The following MIGA2 variants were observed in gnomAD, a reference collection of about 807,000 sequenced individuals.
MIGA2 encodes mitoguardin 2.
A neutral mutation model predicts 69.9 loss-of-function variants in MIGA2; 36 were observed. The observed-to-expected ratio is 0.52, with a 90% CI of 0.39 to 0.68. MIGA2 has a LOEUF of 0.68. Ranked by LOEUF, MIGA2 falls within the 30% of genes least tolerant of loss-of-function variation. The pLI, the probability that MIGA2 is intolerant of heterozygous loss-of-function variation, is 0.00. For missense variants in MIGA2, 660 were observed against 787.7 expected (o/e 0.84, Z 1.94); for synonymous variants, 333 against 349.2 (o/e 0.95, Z 0.52).
intron 6 of MIGA2, among the ~76,000 whole-genome samples, chr9:129,052,105 C>T (rs1225631239): frequency 2.6e-5 from 4 of 151,820 alleles, no homozygotes; most frequent in Non-Finnish European, 5.9e-5. Flanking sequence ...GGATTATAGG[C>T]GTGAGCCACC....
chr9:129,068,468 G>A lies in MIGA2; in HGVS notation c.1404+136G>A. The A allele has an allele frequency of 1.6e-6, 2 of 1,259,684 alleles. No individual in the cohort carries two copies. Among genetic ancestry groups the A allele is most frequent in the South Asian group, 1.4e-5 (1 of 72,640 alleles). 78.0% of individuals were successfully genotyped at this position (1,259,684 alleles called of 1,614,324 possible). ...CCTAGATCCGCGGCTGCCAGGCCTGGGAGACCAGAGTCTGCCCTGGAGAAG... is the reference window on the plus strand; with the variant it reads ...CCTAGATCCGCGGCTGCCAGGCCTGAGAGACCAGAGTCTGCCCTGGAGAAG... On this transcript the variant is annotated intron_variant, in intron 13 of 15. Transcript: ENST00000684074. The surrounding 1 kb of genome is among the most constrained non-coding windows in gnomAD (Gnocchi z 4.1).
chr9:129,043,916 G>C (rs943234615), intron 3 of MIGA2, among the ~76,000 whole-genome samples: 1 of 151,726 alleles, frequency 6.6e-6, no homozygotes, highest in African/African-American at 2.4e-5. Flanking sequence ...TAGCCAGGAT[G>C]GCCTTGATCT....
Position 129,049,364 on chromosome 9 carries a change from C to T in MIGA2, c.421-17C>T. On this transcript the variant is annotated splice_polypyrimidine_tract_variant and intron_variant, in intron 4 of 15. Coordinates refer to ENST00000684074, the MANE Select transcript of MIGA2 (RefSeq NM_001329990.2). Reference sequence around the variant, plus strand: ...GGGAAAGCTTCACTCTTTCTTCTTGCACTGATTGGCGCCCAGATGATGGCA... The same window carrying T: ...GGGAAAGCTTCACTCTTTCTTCTTGTACTGATTGGCGCCCAGATGATGGCA... 6.2e-7 allele frequency: 1 copy of T among 1,611,460 alleles called. No individual in the cohort carries two copies. Among genetic ancestry groups the T allele is most frequent in the African/African-American group, 1.3e-5 (1 of 75,014 alleles).
chr9:129,062,375 T>C (rs1846109397), intron 9 of MIGA2, among the ~76,000 whole-genome samples: 1 of 148,308 alleles, frequency 6.7e-6, no homozygotes, highest in African/African-American at 2.5e-5. Flanking sequence ...CTACTAAAAA[T>C]ATAAAAATTA....
intron 3 of MIGA2, among the ~76,000 whole-genome samples, chr9:129,044,627 A>G (rs1401620055): frequency 6.6e-6 from 1 of 151,842 alleles, no homozygotes; most frequent in African/African-American, 2.4e-5. Flanking sequence ...GTCTCGGCTC[A>G]CTGCAACCTC....
In MIGA2 at chr9:129,061,199, TC is replaced by T; in HGVS notation, c.895-29del. 6.3e-7 allele frequency: 1 copy of T among 1,581,960 alleles called. No individual in the cohort carries two copies. The highest frequency in any genetic ancestry group is 8.6e-7 in the Non-Finnish European group (1 of 1,159,184). ...CCGTGGCGTGCTGCTCACATGGGCTTCCCTGGTCTCTTCCTCTGCACCCTCT... is the reference window on the plus strand; with the variant it reads ...CCGTGGCGTGCTGCTCACATGGGCTTCCTGGTCTCTTCCTCTGCACCCTCT... On this transcript the variant is annotated intron_variant, in intron 8 of 15. Transcript: ENST00000684074. The surrounding 1 kb of genome is among the most constrained non-coding windows in gnomAD (Gnocchi z 5.0).
Position 129,058,126 on chromosome 9 carries a change from G to A in MIGA2, c.676-1028G>A, listed in dbSNP as rs145892535. Among the ~76,000 whole-genome samples, 248 of 152,068 alleles carry A rather than the reference G, an allele frequency of 1.6e-3. 2 individuals are homozygous for A. Among genetic ancestry groups the A allele is most frequent in the Middle Eastern group, 0.014 (4 of 294 alleles). ...AAAAGTTATATGTGGGCTGGGCACGGTGGCTCACACCTCTAATCCTAGCAC... is the reference window on the plus strand; with the variant it reads ...AAAAGTTATATGTGGGCTGGGCACGATGGCTCACACCTCTAATCCTAGCAC... On this transcript the variant is annotated intron_variant, in intron 6 of 15. Coordinates refer to ENST00000684074, the MANE Select transcript of MIGA2 (RefSeq NM_001329990.2).
At chr9:129,064,627 G>A (rs1221024115) in intron 11 of MIGA2, among the ~76,000 whole-genome samples, 1 of 151,778 alleles carries the variant, frequency 6.6e-6, no homozygotes, top group Non-Finnish European at 1.5e-5. Flanking sequence ...TGCGCCTGCT[G>A]CCCTTGGGGT....
chr9:129,068,021 C>A lies in MIGA2; in HGVS notation c.1269+150C>A. The A allele has an allele frequency of 7.9e-7, 1 of 1,271,036 alleles. No individual in the cohort carries two copies. Among genetic ancestry groups the A allele is most frequent in the Non-Finnish European group, 1.1e-6 (1 of 896,962 alleles). The allele number at this position is 1,271,036 out of a possible 1,614,324, so 78.7% of individuals were successfully genotyped here. A position where few individuals can be genotyped will look rare whatever the true frequency, so the allele number is the denominator to read the frequency against. On this transcript the variant is annotated intron_variant, in intron 12 of 15. Coordinates refer to ENST00000684074, the MANE Select transcript of MIGA2 (RefSeq NM_001329990.2). The surrounding 1 kb of genome is among the most constrained non-coding windows in gnomAD (Gnocchi z 4.1). ...CCCCGGTTCCTGCCCTGCCCCAGGC[C>A]AAGGCAGAGGGAGGAATGGCCTCAG...
At position 129,068,783 on chromosome 9, in the gene MIGA2, A is replaced by C; in HGVS notation, c.1405-293A>C. 1 of 483,346 alleles carries C rather than the reference A, an allele frequency of 2.1e-6. No homozygotes were observed. Among genetic ancestry groups the C allele is most frequent in the Non-Finnish European group, 3.8e-6 (1 of 265,606 alleles). 29.9% of individuals were successfully genotyped at this position (483,346 alleles called of 1,614,324 possible). A position where few individuals can be genotyped will look rare whatever the true frequency, so the allele number is the denominator to read the frequency against. ...GCGAGGTGGTTTACAGGCGGGAACC[A>C]TTGCTCCCACAACCACCAAAGGAGG... On this transcript the variant is annotated intron_variant, in intron 13 of 15. Coordinates refer to ENST00000684074, the MANE Select transcript of MIGA2 (RefSeq NM_001329990.2). The surrounding 1 kb of genome is among the most constrained non-coding windows in gnomAD (Gnocchi z 4.1).
chr9:129,069,263 G>T lies in MIGA2; in HGVS notation c.1458+134G>T, dbSNP rs28365558. On this transcript the variant is annotated intron_variant, in intron 14 of 15. Coordinates refer to ENST00000684074, the MANE Select transcript of MIGA2 (RefSeq NM_001329990.2). The surrounding 1 kb of genome is among the most constrained non-coding windows in gnomAD (Gnocchi z 4.9). ...ACAGTCCTGGCCCCCTTGTTCCGCC[G>T]TTACCTCTCCCTGTGCCAGGAGCTC... The T allele has an allele frequency of 2.7e-6, 3 of 1,121,802 alleles. No homozygotes were observed. Among genetic ancestry groups the T allele is most frequent in the Non-Finnish European group, 4.0e-6 (3 of 755,612 alleles). The allele number at this position is 1,121,802 out of a possible 1,614,324, so 69.5% of individuals were successfully genotyped here.
intron 1 of MIGA2, among the ~76,000 whole-genome samples, chr9:129,039,421 A>G (rs543886625): frequency 7.3e-5 from 11 of 151,238 alleles, no homozygotes; most frequent in African/African-American, 2.7e-4. Flanking sequence ...AATTTTTTGT[A>G]TTTTTAGTAG....
chr9:129,069,345 C>T lies in MIGA2; in HGVS notation c.1458+216C>T. ...CTCCCCAGGCCCAGCACAGAGCAGGCCACTGGGGAGGGGAACGGATACCCT... is the reference window on the plus strand; with the variant it reads ...CTCCCCAGGCCCAGCACAGAGCAGGTCACTGGGGAGGGGAACGGATACCCT... On this transcript the variant is annotated intron_variant, in intron 14 of 15. Coordinates refer to ENST00000684074, the MANE Select transcript of MIGA2 (RefSeq NM_001329990.2). This position sits in a 1 kb window ranked among gnomAD's most constrained non-coding sequence, Gnocchi z 4.9. The T allele has an allele frequency of 1.6e-6, 1 of 614,410 alleles. No individual in the cohort carries two copies. Among genetic ancestry groups the T allele is most frequent in the Non-Finnish European group, 2.9e-6 (1 of 347,880 alleles). 38.1% of individuals were successfully genotyped at this position (614,410 alleles called of 1,614,324 possible). A position where few individuals can be genotyped will look rare whatever the true frequency, so the allele number is the denominator to read the frequency against.
chr9:129,067,223 G>T (rs1363423870), intron 11 of MIGA2, among the ~76,000 whole-genome samples: 2 of 151,412 alleles, frequency 1.3e-5, no homozygotes, highest in Admixed American at 6.6e-5. Context: ...CGTAAATGCA[G>T]ACCCACATCT....
chr9:129,068,402 CCTCTGTCCCTAGCACTGGCACCAGGG>C lies in MIGA2; in HGVS notation c.1404+73_1404+98del. Reference sequence around the variant, plus strand: ...CCCGTGTGGTTGCCTGGCTCCGTCCCCTCTGTCCCTAGCACTGGCACCAGGGCTGGGCCCCCACCCCCTAGATCCGC... The same window carrying C: ...CCCGTGTGGTTGCCTGGCTCCGTCCCCTGGGCCCCCACCCCCTAGATCCGC... On this transcript the variant is annotated intron_variant, in intron 13 of 15. Coordinates refer to ENST00000684074, the MANE Select transcript of MIGA2 (RefSeq NM_001329990.2). The surrounding 1 kb of genome is among the most constrained non-coding windows in gnomAD (Gnocchi z 4.1). The C allele has an allele frequency of 6.3e-7, 1 of 1,582,018 alleles. No homozygotes were observed. Among genetic ancestry groups the C allele is most frequent in the Non-Finnish European group, 8.5e-7 (1 of 1,170,688 alleles).
chr9:129,063,328 C>T lies in MIGA2; in HGVS notation c.1083+12C>T. ...GGCAGGCCTTCGAGGTGGGTGTGGCCTGGGGGTTCCTCGGGGGTGGGAGGC... is the reference window on the plus strand; with the variant it reads ...GGCAGGCCTTCGAGGTGGGTGTGGCTTGGGGGTTCCTCGGGGGTGGGAGGC... On this transcript the variant is annotated intron_variant, in intron 10 of 15. Transcript: ENST00000684074. 2 of 1,613,888 alleles carry T rather than the reference C, an allele frequency of 1.2e-6. No homozygotes were observed. The highest frequency in any genetic ancestry group is 8.5e-7 in the Non-Finnish European group (1 of 1,179,982).
intron 6 of MIGA2, among the ~76,000 whole-genome samples, chr9:129,055,577 G>T (rs189810665): frequency 6.6e-6 from 1 of 152,048 alleles, no homozygotes; most frequent in Non-Finnish European, 1.5e-5. Flanking sequence ...GGGGCCTCGC[G>T]CGGTGGCTCA....
At position 129,071,422 on chromosome 9, in the gene MIGA2, A is replaced by C. The variant is rs985842070; in HGVS notation, c.*969A>C. 2.2e-4 allele frequency: 33 copies of C among 152,360 alleles called. No homozygotes were observed. The highest frequency in any genetic ancestry group is 7.5e-4 in the African/African-American group (31 of 41,564). 9.4% of individuals were successfully genotyped at this position (152,360 alleles called of 1,614,324 possible). A position where few individuals can be genotyped will look rare whatever the true frequency, so the allele number is the denominator to read the frequency against. On this transcript the variant is annotated 3_prime_UTR_variant, in exon 16 of 16. Coordinates refer to ENST00000684074, the MANE Select transcript of MIGA2 (RefSeq NM_001329990.2). ...TGGGCCTGCAGAGAGTCCTGTTAGC[A>C]GCGACGTCCCCCCGCCGCGGGGTCC...
intron 11 of MIGA2, among the ~76,000 whole-genome samples, chr9:129,066,548 C>G (rs955446244): frequency 6.6e-6 from 1 of 150,550 alleles, no homozygotes; most frequent in African/African-American, 2.5e-5. Context: ...GTGGTGGGCG[C>G]CTGTAGTCCC....
Sources: allele counts gnomAD v4.1 joint callset (sites outside exome capture counted in the v4.1 genomes callset), GRCh38; gene constraint gnomAD v4.1.1; non-coding constraint Gnocchi (gnomAD v3.1); transcripts MANE v1.5; gene names NCBI Gene and HGNC (gene_info 2026-07-23, HGNC 2026-07-21).